Variants in ZNF732 observed in about 807,000 individuals in gnomAD.
The protein encoded by ZNF732 is zinc finger protein 732.
Under a neutral mutation model 11.5 loss-of-function variants are expected in ZNF732, and 12 were observed. The ratio of observed to expected loss-of-function variants is 1.05; its 90% CI spans 0.67 to 1.70. The LOEUF (loss-of-function observed/expected upper bound fraction) is 1.70, where lower values mean the gene tolerates loss of function less well. Ranked by LOEUF, ZNF732 falls within the 40% of genes most tolerant of loss-of-function variation. The pLI is 0.00. For missense variants in ZNF732, 702 were observed against 676.9 expected (o/e 1.04, Z -0.41); for synonymous variants, 231 against 236.5 (o/e 0.98, Z 0.21).
At chr4:302,781 G>A (rs1359044629) in intron 1 of ZNF732, among the ~76,000 whole-genome samples, 3 of 152,220 alleles carry the variant, frequency 2.0e-5, no homozygotes, top group African/African-American at 7.2e-5. Context: ...TTCGAGACAG[G>A]AGCAGTGGCT....
chr4:272,605 G>A lies in ZNF732; in HGVS notation c.252C>T (p.Asp84=). The A allele has an allele frequency of 1.7e-5, 26 of 1,533,786 alleles. No individual in the cohort carries two copies. The highest frequency in any genetic ancestry group is 2.3e-5 in the Non-Finnish European group (26 of 1,145,120). ...CTTCTATCCCCTGCACTGGCAAAAA[G>A]TCTTGGGTGAAATGAGAACACACAG... The part of the protein sequence containing the change: ...HPAVCSHFTQ[D]FLPVQGIEDS... The change falls in exon 4 of 4, where the codon GAC becomes GAT. Residue 84 remains aspartate, a synonymous_variant. Coordinates refer to ENST00000419098, the MANE Select transcript of ZNF732 (RefSeq NM_001137608.3).
intron 3 of ZNF732, among the ~76,000 whole-genome samples, chr4:287,694 A>C (rs1553840793): frequency 6.6e-6 from 1 of 151,822 alleles, no homozygotes; most frequent in Non-Finnish European, 1.5e-5. Context: ...CCCAGGCTGG[A>C]GTGCAGTGAC....
At position 297,610 on chromosome 4, in the gene ZNF732, A is replaced by T. The variant is rs1268554473; in HGVS notation, c.4-1455T>A. 0.012 allele frequency among the ~76,000 whole-genome samples: 199 copies of T among 16,354 alleles called. 2 individuals are homozygous for T. The East Asian group carries it at 0.2, about 17-fold the overall frequency. The allele number at this position is 16,354 out of a possible 152,430, so 10.7% of individuals were successfully genotyped here. A position where few individuals can be genotyped will look rare whatever the true frequency, so the allele number is the denominator to read the frequency against. ...TTTGTGTTGTATTTAAGATTTGTAA[A>T]AAAAAAAAAAAAAAAAAAAAAACTG... On this transcript the variant is annotated intron_variant, in intron 1 of 3. Transcript: ENST00000419098.
Position 299,403 on chromosome 4 carries a change from G to GTA in ZNF732, c.4-3250_4-3249dup, listed in dbSNP as rs142703749. 1.9e-3 allele frequency among the ~76,000 whole-genome samples: 171 copies of GTA among 89,712 alleles called. 10 individuals carry two copies. Among genetic ancestry groups the GTA allele is most frequent in the African/African-American group, 5.1e-3 (87 of 17,168 alleles). 58.9% of individuals were successfully genotyped at this position (89,712 alleles called of 152,430 possible). A position where few individuals can be genotyped will look rare whatever the true frequency, so the allele number is the denominator to read the frequency against. The stretch of plus-strand genomic sequence containing the variant: ...TATATACACATATGTACACATATGT[G>GTA]TATATATATATACACATATATACAC... On this transcript the variant is annotated intron_variant, in intron 1 of 3. Transcript: ENST00000419098.
chr4:275,999 A>G (rs536786381), intron 3 of ZNF732, among the ~76,000 whole-genome samples: 1 of 151,788 alleles, frequency 6.6e-6, no homozygotes, highest in Non-Finnish European at 1.5e-5. Context: ...GACTAAGCTG[A>G]ATATTTAAAA....
At chr4:288,818 C>A (rs1264124911) in intron 3 of ZNF732, among the ~76,000 whole-genome samples, 1 of 152,056 alleles carries the variant, frequency 6.6e-6, no homozygotes, top group Non-Finnish European at 1.5e-5. Flanking sequence ...CTTTGGGAGG[C>A]GGAAGTGGGC....
Position 272,283 on chromosome 4 carries a change from C to T in ZNF732, c.574G>A (p.Glu192Lys). 8 of 1,613,346 alleles carry T rather than the reference C, an allele frequency of 5.0e-6. No homozygotes were observed. The highest frequency in any genetic ancestry group is 6.8e-6 in the Non-Finnish European group (8 of 1,179,580). The change falls in exon 4 of 4, where the codon GAG (glutamate) becomes AAG (lysine). Residue 192 changes from glutamate to lysine, a missense_variant. By Grantham distance (56) the Glu-to-Lys change is moderately conservative. Transcript: ENST00000419098. The stretch of plus-strand genomic sequence containing the variant: ...CATTCTTCACATGTGTAGGGTTTCT[C>T]TCCAGCATGAATTCCTTGATGTTGA... The part of the protein sequence containing the change: ...LTQHQGIHAG[E>K]KPYTCEECGK...
chr4:296,616 G>C (rs2108659822), intron 1 of ZNF732, among the ~76,000 whole-genome samples: 1 of 152,276 alleles, frequency 6.6e-6, no homozygotes, highest in East Asian at 1.9e-4. Flanking sequence ...ACTGGGCTGA[G>C]AGTCACTTAG....
chr4:293,068 A>C (rs1553841591), intron 3 of ZNF732, among the ~76,000 whole-genome samples: 1 of 68,024 alleles, frequency 1.5e-5, no homozygotes, highest in Non-Finnish European at 2.8e-5. Flanking sequence ...ACTCCATCTC[A>C]AAAAAAAAAA....
intron 1 of ZNF732, among the ~76,000 whole-genome samples, chr4:302,287 TA>T (rs1720133417): frequency 6.6e-6 from 1 of 152,144 alleles, no homozygotes; most frequent in South Asian, 2.1e-4. Flanking sequence ...TCTCCAATCC[TA>T]AAAAACTCCA....
At chr4:293,937 A>G (rs2108658873) in intron 3 of ZNF732, among the ~76,000 whole-genome samples, 1 of 152,340 alleles carries the variant, frequency 6.6e-6, no homozygotes, top group South Asian at 2.1e-4. Context: ...CTATAAATGA[A>G]GCAATGTTAC....
chr4:291,973 T>C (rs1719849398), intron 3 of ZNF732, among the ~76,000 whole-genome samples: 1 of 152,154 alleles, frequency 6.6e-6, no homozygotes, highest in Non-Finnish European at 1.5e-5. Context: ...GAAATTACAC[T>C]CTTGTCAATA....
chr4:297,501 T>C (rs952750224), intron 1 of ZNF732, among the ~76,000 whole-genome samples: 5 of 151,878 alleles, frequency 3.3e-5, no homozygotes, highest in African/African-American at 1.2e-4. Flanking sequence ...TGATTTGTTT[T>C]TTAAAGGTAT....
chr4:295,889 C>T lies in ZNF732; in HGVS notation c.130+140G>A, dbSNP rs1000091614. 87 of 1,084,996 alleles carry T rather than the reference C, an allele frequency of 8.0e-5. No individual in the cohort carries two copies. The East Asian group carries it at 2.3e-3, about 29-fold the overall frequency. The allele number at this position is 1,084,996 out of a possible 1,614,324, so 67.2% of individuals were successfully genotyped here. ...AAACATCTTAATATTCTTTTTTACA[C>T]CAGCAAACTCCCAACAGTTTCTTGA... On this transcript the variant is annotated intron_variant, in intron 2 of 3. Coordinates refer to ENST00000419098, the MANE Select transcript of ZNF732 (RefSeq NM_001137608.3).
intron 3 of ZNF732, among the ~76,000 whole-genome samples, chr4:273,707 T>C (rs1553838249): frequency 6.6e-6 from 1 of 151,850 alleles, no homozygotes; most frequent in African/African-American, 2.4e-5. Context: ...AAAGCACATA[T>C]ATAAGCAAAG....
chr4:300,100 G>A (rs1720082939), intron 1 of ZNF732, among the ~76,000 whole-genome samples: 1 of 151,842 alleles, frequency 6.6e-6, no homozygotes, highest in Non-Finnish European at 1.5e-5. Flanking sequence ...AGTGGTTAGT[G>A]ACTGGCTATA....
At chr4:289,216 AATG>A (rs1719791510) in intron 3 of ZNF732, among the ~76,000 whole-genome samples, 1 of 152,234 alleles carries the variant, frequency 6.6e-6, no homozygotes, top group Admixed American at 6.5e-5. Flanking sequence ...TCCTTTACCT[AATG>A]ATTTCTGTGA....
intron 3 of ZNF732, among the ~76,000 whole-genome samples, chr4:291,006 A>G (rs1719833040): frequency 2.0e-5 from 3 of 152,308 alleles, no homozygotes; most frequent in Admixed American, 6.5e-5. Flanking sequence ...CAGATCTACA[A>G]GCATGCTTCC....
chr4:292,890 C>CAAAA lies in ZNF732; in HGVS notation c.226+2544_226+2547dup, dbSNP rs34118991. Among the ~76,000 whole-genome samples the CAAAA allele has an allele frequency of 7.5e-3, 593 of 79,458 alleles. 24 individuals carry two copies. The highest frequency in any genetic ancestry group is 0.016 in the African/African-American group (321 of 20,354). 52.1% of individuals were successfully genotyped at this position (79,458 alleles called of 152,430 possible). On this transcript the variant is annotated intron_variant, in intron 3 of 3. Transcript: ENST00000419098. ...TGAAACTCTGTCTCTACTAAAAACA[C>CAAAA]AAAAAAAAAAAAAAAAAAAAAAAAA...
Sources: allele counts gnomAD v4.1 joint callset (sites outside exome capture counted in the v4.1 genomes callset), GRCh38; gene constraint gnomAD v4.1.1; transcripts MANE v1.5; gene names NCBI Gene and HGNC (gene_info 2026-07-23, HGNC 2026-07-21).